BICDL1: variants seen among roughly 807,000 people sequenced by gnomAD.
BICDL1 encodes the protein BICD family like cargo adaptor 1.
BICDL1 carries 20 observed loss-of-function variants against 76.8 expected under a neutral mutation model. The ratio of observed to expected loss-of-function variants is 0.26; its 90% CI spans 0.18 to 0.38. BICDL1 has a LOEUF of 0.38. BICDL1 is among the 10% of genes least tolerant of loss of function. The probability of loss-of-function intolerance (pLI) is 1.00; values close to 1 mark genes in which losing one functional copy is unlikely to be tolerated. For missense variants in BICDL1, 700 were observed against 798.6 expected (o/e 0.88, Z 1.49); for synonymous variants, 383 against 337.1 (o/e 1.14, Z -1.49).
chr12:120,079,808 C>T lies in BICDL1; in HGVS notation c.1453-1079C>T, dbSNP rs982249617. Among the ~76,000 whole-genome samples, 2 of 152,198 alleles carry T rather than the reference C, an allele frequency of 1.3e-5. No homozygotes were observed. The highest frequency in any genetic ancestry group is 2.9e-5 in the Non-Finnish European group (2 of 68,036). ...GGAAAAGGGACAACAAACAAACTGC[C>T]GCCCTTGTCACTAATTCCTCCCTCG... On this transcript the variant is annotated intron_variant, in intron 7 of 9. Coordinates refer to ENST00000548673, the MANE Select transcript of BICDL1 (RefSeq NM_001367886.1). The surrounding 1 kb of genome is among the most constrained non-coding windows in gnomAD (Gnocchi z 4.3).
intron 7 of BICDL1, among the ~76,000 whole-genome samples, chr12:120,077,814 G>A (rs746549340): frequency 5.1e-5 from 5 of 98,918 alleles, no homozygotes; most frequent in East Asian, 3.1e-4. Flanking sequence ...ACCCTCACAC[G>A]CTTTGGATTG....
rs138264511 is a variant in BICDL1, at chr12:120,011,451, A to G, written c.645+12715A>G. On this transcript the variant is annotated intron_variant, in intron 2 of 9. Transcript: ENST00000548673. ...TTGCTAAGATCTTCCAATTCTAACT[A>G]GGTAGGATTCCAAGGCAGATATAGT... Among the ~76,000 whole-genome samples, 388 of 152,304 alleles carry G rather than the reference A, an allele frequency of 2.5e-3. 1 individual carries two copies. The highest frequency in any genetic ancestry group is 9.0e-3 in the African/African-American group (375 of 41,562).
At chr12:120,020,670 C>T (rs1201432983) in intron 2 of BICDL1, among the ~76,000 whole-genome samples, 1 of 152,086 alleles carries the variant, frequency 6.6e-6, no homozygotes, top group Non-Finnish European at 1.5e-5. Context: ...AGGCAAAAAT[C>T]ATCTACAGAT....
intron 2 of BICDL1, among the ~76,000 whole-genome samples, chr12:120,017,972 T>TG (rs1288677932): frequency 3.9e-5 from 6 of 152,236 alleles, no homozygotes; most frequent in African/African-American, 1.4e-4. Context: ...TCTTGCTGAC[T>TG]TCAGATTGCT....
Position 120,094,435 on chromosome 12 carries a change from C to G in BICDL1, c.*1274C>G, listed in dbSNP as rs927450277. 3 of 331,092 alleles carry G rather than the reference C, an allele frequency of 9.1e-6. No individual in the cohort carries two copies. Among genetic ancestry groups the G allele is most frequent in the Non-Finnish European group, 1.8e-5 (3 of 162,622 alleles). The allele number at this position is 331,092 out of a possible 1,614,324, so 20.5% of individuals were successfully genotyped here. A position where few individuals can be genotyped will look rare whatever the true frequency, so the allele number is the denominator to read the frequency against. ...CTATAAAGGCATATTTTTAGAAAAA[C>G]AGCACACCACTGCTTCTTTTGAAAA... On this transcript the variant is annotated 3_prime_UTR_variant, in exon 10 of 10. Transcript: ENST00000548673.
chr12:119,989,307 C>T lies in BICDL1; in HGVS notation c.-562C>T, dbSNP rs1360238130. On this transcript the variant is annotated 5_prime_UTR_variant, in exon 1 of 10. Coordinates refer to ENST00000548673, the MANE Select transcript of BICDL1 (RefSeq NM_001367886.1). ...CCTCGGCCCCTGCAGCAGCAGCAGC[C>T]GCCGTCGCCGCCGCTGCTGCTGGGG... 1.3e-5 allele frequency among the ~76,000 whole-genome samples: 2 copies of T among 150,372 alleles called. No individual in the cohort carries two copies. The highest frequency in any genetic ancestry group is 1.3e-4 in the Admixed American group (2 of 15,154).
At chr12:120,052,619 C>G (rs950021368) in intron 2 of BICDL1, among the ~76,000 whole-genome samples, 7 of 152,022 alleles carry the variant, frequency 4.6e-5, no homozygotes, top group African/African-American at 7.2e-5. Flanking sequence ...AATGATTTTT[C>G]CCTTTGTTAT....
At chr12:120,056,119 T>C (rs745954790) in intron 2 of BICDL1, among the ~76,000 whole-genome samples, 3 of 152,220 alleles carry the variant, frequency 2.0e-5, no homozygotes, top group African/African-American at 4.8e-5. Flanking sequence ...GATCTAATAG[T>C]GATTACCTGT....
chr12:120,030,186 A>G (rs763203223), intron 2 of BICDL1, among the ~76,000 whole-genome samples: 2 of 152,162 alleles, frequency 1.3e-5, no homozygotes, highest in Non-Finnish European at 2.9e-5. Context: ...CTCTAAGCAA[A>G]TTTCAAGTAA....
At chr12:120,045,777 G>A (rs1221182382) in intron 2 of BICDL1, among the ~76,000 whole-genome samples, 2 of 144,806 alleles carry the variant, frequency 1.4e-5, no homozygotes, top group African/African-American at 5.2e-5. Flanking sequence ...TGTGGGATGG[G>A]GGGAGGGGGG....
intron 7 of BICDL1, 129 bp downstream of exon 7, chr12:120,074,715 A>G (rs1873399109): frequency 1.4e-6 from 1 of 734,632 alleles, no homozygotes; most frequent in Non-Finnish European, 1.7e-6. Flanking sequence ...TCATCAAGGA[A>G]TGGTGACCTG....
At chr12:120,014,839 T>A (rs887338831) in intron 2 of BICDL1, among the ~76,000 whole-genome samples, 3 of 151,378 alleles carry the variant, frequency 2.0e-5, no homozygotes, top group Non-Finnish European at 4.4e-5. Flanking sequence ...TAAAAAAAAA[T>A]TAAAAAATAA....
chr12:120,023,173 C>G (rs1354546114), intron 2 of BICDL1, among the ~76,000 whole-genome samples: 1 of 152,048 alleles, frequency 6.6e-6, no homozygotes, highest in Non-Finnish European at 1.5e-5. Context: ...TGTCTAGGAC[C>G]ACATATGAAA....
At chr12:120,033,639 G>A (rs1434146174) in intron 2 of BICDL1, among the ~76,000 whole-genome samples, 5 of 151,674 alleles carry the variant, frequency 3.3e-5, no homozygotes, top group East Asian at 3.9e-4. Context: ...CGCCTGCCTC[G>A]GCCTCCCAAA....
chr12:120,000,922 C>CT (rs1398831817), intron 2 of BICDL1, among the ~76,000 whole-genome samples: 2 of 152,182 alleles, frequency 1.3e-5, no homozygotes, highest in African/African-American at 4.8e-5. Flanking sequence ...GGTTGTTTTA[C>CT]TAAAGCAGTG....
At chr12:120,089,853 GC>G in intron 8 of BICDL1, 97 bp from the exon 9 acceptor site, 1 of 1,446,528 alleles carries the variant, frequency 6.9e-7, no homozygotes, top group Non-Finnish European at 9.4e-7. Flanking sequence ...CAGGGTCAGA[GC>G]CTGTTTCCTC....
rs561702402 is a variant in BICDL1 at position 120,079,277 on chromosome 12, G to T, written c.1453-1610G>T. ...TCCTCCAGAGTGGCTGCTACCCCAG[G>T]GGCTGGCAGCTCTGCCGTCTCGTTC... On this transcript the variant is annotated intron_variant, in intron 7 of 9. Coordinates refer to ENST00000548673, the MANE Select transcript of BICDL1 (RefSeq NM_001367886.1). The surrounding 1 kb of genome is among the most constrained non-coding windows in gnomAD (Gnocchi z 4.3). 3.9e-4 allele frequency among the ~76,000 whole-genome samples: 60 copies of T among 152,306 alleles called. 1 individual carries two copies. Among genetic ancestry groups the T allele is most frequent in the African/African-American group, 1.4e-3 (59 of 41,564 alleles).
intron 2 of BICDL1, among the ~76,000 whole-genome samples, chr12:120,054,007 T>A (rs936897411): frequency 1.3e-5 from 2 of 151,450 alleles, no homozygotes; most frequent in Non-Finnish European, 2.9e-5. Context: ...ACCCTGTCTC[T>A]ACTAAAAATA....
chr12:120,071,388 C>T lies in BICDL1; in HGVS notation c.910-234C>T, dbSNP rs561697687. On this transcript the variant is annotated intron_variant, in intron 4 of 9. Transcript: ENST00000548673. This position sits in a 1 kb window ranked among gnomAD's most constrained non-coding sequence, Gnocchi z 4.8. ...TACTCCTGACCTTAGGTGATCTGCC[C>T]GCCTCGGCCTCCCAAAGTGCTGGGA... Among the ~76,000 whole-genome samples the T allele has an allele frequency of 5.9e-5, 9 of 152,194 alleles. No homozygotes were observed. The highest frequency in any genetic ancestry group is 3.9e-4 in the East Asian group (2 of 5,176).
Sources: allele counts gnomAD v4.1 joint callset (sites outside exome capture counted in the v4.1 genomes callset), GRCh38; gene constraint gnomAD v4.1.1; non-coding constraint Gnocchi (gnomAD v3.1); transcripts MANE v1.5; gene names NCBI Gene and HGNC (gene_info 2026-07-23, HGNC 2026-07-21).